Variants in LRRC69 observed in about 807,000 individuals in gnomAD.
LRRC69 encodes leucine-rich repeat-containing protein 69.
In LRRC69, 42 loss-of-function variants were observed where a neutral mutation model predicts 37.8. That is an observed-to-expected ratio of 1.11 (90% CI 0.87 to 1.44). LRRC69 has a LOEUF of 1.44. LRRC69 is among the 40% of genes most tolerant of loss of function. The pLI is 0.00. For missense variants in LRRC69, 357 were observed against 401.9 expected, an observed-to-expected ratio of 0.89 and a Z score of 0.96; for synonymous variants, 141 against 143.1, an observed-to-expected ratio of 0.99 and a Z score of 0.11.
chr8:91,177,081 A>G (rs1303533035), intron 5 of LRRC69, among the ~76,000 whole-genome samples: 1 of 152,174 alleles, frequency 6.6e-6, no homozygotes, highest in African/African-American at 2.4e-5. Flanking sequence ...TCAGATCTGA[A>G]TTACTTTATT....
intron 5 of LRRC69, among the ~76,000 whole-genome samples, chr8:91,151,405 T>C (rs540070461): frequency 6.6e-6 from 1 of 152,002 alleles, no homozygotes; most frequent in East Asian, 1.9e-4. Context: ...TTTGAGTGAG[T>C]TTCTTAATCC....
At chr8:91,181,438 T>C (rs751055546) in intron 5 of LRRC69, among the ~76,000 whole-genome samples, 1 of 152,204 alleles carries the variant, frequency 6.6e-6, no homozygotes, top group Non-Finnish European at 1.5e-5. Flanking sequence ...TCATTTCATC[T>C]TTTTCACATA....
intron 5 of LRRC69, among the ~76,000 whole-genome samples, chr8:91,181,775 T>C (rs1217302993): frequency 6.6e-6 from 1 of 152,116 alleles, no homozygotes; most frequent in Non-Finnish European, 1.5e-5. Context: ...GAATTAGGCA[T>C]ATGATTTAAC....
At chr8:91,171,352 AC>A (rs1435147418) in intron 5 of LRRC69, among the ~76,000 whole-genome samples, 1 of 151,994 alleles carries the variant, frequency 6.6e-6, no homozygotes, top group Non-Finnish European at 1.5e-5. Context: ...AGGATCATAA[AC>A]AATTATAATA....
chr8:91,198,257 A>C (rs568230923), intron 6 of LRRC69, among the ~76,000 whole-genome samples: 129 of 152,334 alleles, frequency 8.5e-4, no homozygotes, highest in African/African-American at 3.0e-3. Context: ...TTAATTCTCC[A>C]AACTCTTTGT....
chr8:91,163,234 G>A (rs1039473948), intron 5 of LRRC69, among the ~76,000 whole-genome samples: 1 of 151,226 alleles, frequency 6.6e-6, no homozygotes. Flanking sequence ...ATAAATACAT[G>A]TTTAGATTTG....
At chr8:91,196,192 T>C (rs1809596791) in intron 6 of LRRC69, among the ~76,000 whole-genome samples, 1 of 152,070 alleles carries the variant, frequency 6.6e-6, no homozygotes, top group African/African-American at 2.4e-5. Flanking sequence ...TTCTGGCTTG[T>C]AGGGTTTCTC....
chr8:91,148,644 T>C (rs1482866509), intron 5 of LRRC69, among the ~76,000 whole-genome samples: 1 of 152,060 alleles, frequency 6.6e-6, no homozygotes, highest in African/African-American at 2.4e-5. Flanking sequence ...TCTAGATCCC[T>C]GACGAATCAC....
intron 7 of LRRC69, among the ~76,000 whole-genome samples, chr8:91,210,652 G>A (rs950157313): frequency 6.6e-6 from 1 of 151,394 alleles, no homozygotes; most frequent in Admixed American, 6.6e-5. Flanking sequence ...AGGAAAATAA[G>A]GAGATTTGAT....
At chr8:91,196,887 C>A (rs1340225145) in intron 6 of LRRC69, among the ~76,000 whole-genome samples, 14 of 152,318 alleles carry the variant, frequency 9.2e-5, no homozygotes, top group African/African-American at 2.2e-4. Flanking sequence ...GCTGGTGAGG[C>A]ACTGCGTTCC....
At chr8:91,165,053 A>G (rs1809004625) in intron 5 of LRRC69, among the ~76,000 whole-genome samples, 1 of 151,616 alleles carries the variant, frequency 6.6e-6, no homozygotes, top group South Asian at 2.1e-4. Context: ...TTCATTTGAG[A>G]TGGGAAGGTT....
chr8:91,119,640 G>C (rs1813580623), intron 1 of LRRC69, among the ~76,000 whole-genome samples: 1 of 151,996 alleles, frequency 6.6e-6, no homozygotes, highest in African/African-American at 2.4e-5. Flanking sequence ...AACTGTGGTT[G>C]TCGTTCACCC....
chr8:91,127,413 C>G (rs1416107986), intron 3 of LRRC69, among the ~76,000 whole-genome samples: 1 of 151,768 alleles, frequency 6.6e-6, no homozygotes, highest in Non-Finnish European at 1.5e-5. Flanking sequence ...AACTGATGGT[C>G]TCATTGATTT....
At chr8:91,148,906 G>A (rs1464190898) in intron 5 of LRRC69, among the ~76,000 whole-genome samples, 2 of 151,420 alleles carry the variant, frequency 1.3e-5, no homozygotes, top group Non-Finnish European at 2.9e-5. Flanking sequence ...TGTTCATATC[G>A]TTCACCCACT....
At chr8:91,117,908 G>A (rs1195185654) in intron 1 of LRRC69, among the ~76,000 whole-genome samples, 1 of 151,758 alleles carries the variant, frequency 6.6e-6, no homozygotes, top group South Asian at 2.1e-4. Context: ...GTATGGTCAG[G>A]GGTCTGGAAA....
intron 5 of LRRC69, among the ~76,000 whole-genome samples, chr8:91,174,139 A>G (rs576767259): frequency 9.0e-6 from 1 of 111,514 alleles, no homozygotes; most frequent in East Asian, 2.6e-4. Context: ...TATTTATAAG[A>G]TGAGAAACAG....
chr8:91,178,937 C>T (rs889405842), intron 5 of LRRC69, among the ~76,000 whole-genome samples: 25 of 151,978 alleles, frequency 1.6e-4, no homozygotes, highest in African/African-American at 5.6e-4. Flanking sequence ...TGTATGATTT[C>T]GCCTTGACTT....
At chr8:91,140,116 C>T (rs1228239355) in intron 5 of LRRC69, among the ~76,000 whole-genome samples, 2 of 144,692 alleles carry the variant, frequency 1.4e-5, no homozygotes, top group South Asian at 2.2e-4. Context: ...AAAAAAAGTA[C>T]TATCCAAGTA....
chr8:91,197,740 G>C (rs2130624344), intron 6 of LRRC69, among the ~76,000 whole-genome samples: 1 of 152,092 alleles, frequency 6.6e-6, no homozygotes, highest in South Asian at 2.1e-4. Flanking sequence ...GGCGCCCACT[G>C]TCTGGCACTC....
Sources: allele counts gnomAD v4.1 joint callset (sites outside exome capture counted in the v4.1 genomes callset), GRCh38; gene constraint gnomAD v4.1.1; transcripts MANE v1.5; gene names NCBI Gene and HGNC (gene_info 2026-07-23, HGNC 2026-07-21).